Variants in EYS observed in about 807,000 individuals in gnomAD.
The protein encoded by EYS is EGF-like photoreceptor maintenance factor, also known as protein eyes shut homolog.
Under a neutral mutation model 282.1 loss-of-function variants are expected in EYS, and 250 were observed. That is an observed-to-expected ratio of 0.89 (90% CI 0.80 to 0.98). The LOEUF (loss-of-function observed/expected upper bound fraction) is 0.98. Among genes scored for constraint, EYS ranks in the 50% least tolerant of loss-of-function variants. The pLI, the probability that EYS is intolerant of heterozygous loss-of-function variation, is 0.00. For missense variants in EYS, 4,016 were observed against 3,709.0 expected (o/e 1.08, Z -2.15); for synonymous variants, 1,355 against 1,282.9 (o/e 1.06, Z -1.20).
intron 28 of EYS, among the ~76,000 whole-genome samples, chr6:64,404,136 T>C (rs1435344849): frequency 6.6e-6 from 1 of 152,158 alleles, no homozygotes; most frequent in Non-Finnish European, 1.5e-5. Flanking sequence ...CTCAATATTA[T>C]AGTTGGGCAT....
intron 26 of EYS, among the ~76,000 whole-genome samples, chr6:64,537,611 G>A (rs1264945177): frequency 6.6e-6 from 1 of 152,114 alleles, no homozygotes; most frequent in African/African-American, 2.4e-5. Context: ...GCTGCTCAAA[G>A]TTACTTATTA....
intron 22 of EYS, among the ~76,000 whole-genome samples, chr6:64,686,811 A>ATATATATGTGTGTG (rs1562133883): frequency 2.5e-4 from 8 of 32,006 alleles, no homozygotes; most frequent in Non-Finnish European, 5.6e-4. Context: ...ATATGTGTGT[A>ATATATATGTGTGTG]TATATATATG....
intron 1 of EYS, among the ~76,000 whole-genome samples, chr6:65,645,382 C>T (rs1334320946): frequency 6.6e-6 from 1 of 152,132 alleles, no homozygotes; most frequent in Non-Finnish European, 1.5e-5. Flanking sequence ...CCAAAAGGAA[C>T]CTTCAAAACC....
At chr6:64,003,973 A>G (rs576855035) in intron 33 of EYS, among the ~76,000 whole-genome samples, 2 of 152,196 alleles carry the variant, frequency 1.3e-5, no homozygotes, top group Non-Finnish European at 2.9e-5. Flanking sequence ...ACTGTGAGTC[A>G]ATTAAACCTC....
At chr6:64,805,006 C>CA (rs1374768500) in intron 22 of EYS, among the ~76,000 whole-genome samples, 4 of 151,618 alleles carry the variant, frequency 2.6e-5, no homozygotes, top group African/African-American at 9.7e-5. Context: ...AGTAGTTTTC[C>CA]AAAAAATATT....
At chr6:64,979,207 A>C (rs1184303405) in intron 14 of EYS, among the ~76,000 whole-genome samples, 1 of 151,828 alleles carries the variant, frequency 6.6e-6, no homozygotes, top group Admixed American at 6.6e-5. Flanking sequence ...GCTTTATTGC[A>C]GTAGACTAGA....
chr6:64,445,682 G>A (rs1040057687), intron 26 of EYS, among the ~76,000 whole-genome samples: 10 of 152,246 alleles, frequency 6.6e-5, no homozygotes, highest in African/African-American at 2.2e-4. Context: ...GTTTTAATAT[G>A]AGACTTGCTT....
intron 11 of EYS, chr6:65,332,237 C>A (rs2081148070): frequency 1.7e-6 from 1 of 587,060 alleles, no homozygotes; most frequent in African/African-American, 1.9e-5. Flanking sequence ...ATTTTTTTCT[C>A]CATCTACATT....
intron 27 of EYS, among the ~76,000 whole-genome samples, chr6:64,436,485 T>C (rs908746239): frequency 2.0e-5 from 3 of 151,822 alleles, no homozygotes; most frequent in Non-Finnish European, 4.4e-5. Context: ...TAAATACACA[T>C]GCATACATGT....
At chr6:65,485,931 C>G (rs1372859834) in intron 5 of EYS, among the ~76,000 whole-genome samples, 1 of 152,136 alleles carries the variant, frequency 6.6e-6, no homozygotes, top group Non-Finnish European at 1.5e-5. Flanking sequence ...CAAGTTTATT[C>G]TGTCAAAGGC....
intron 32 of EYS, among the ~76,000 whole-genome samples, chr6:64,072,935 T>C (rs1350110912): frequency 1.3e-5 from 2 of 151,914 alleles, no homozygotes; most frequent in African/African-American, 4.8e-5. Context: ...AAAAACTGAA[T>C]TTTAAAGATT....
chr6:64,844,932 G>T lies in EYS; in HGVS notation c.2993-22110C>A, dbSNP rs1392941130. On this transcript the variant is annotated intron_variant, in intron 19 of 42. Coordinates refer to ENST00000503581, the MANE Select transcript of EYS (RefSeq NM_001142800.2). ...TGATATTATAGCCATCTACTCATTA[G>T]CTATTAGACACAGACACATACCCTA... Among the ~76,000 whole-genome samples the T allele has an allele frequency of 6.6e-5, 10 of 152,000 alleles. No homozygotes were observed. The East Asian group carries it at 1.9e-3, about 29-fold the overall frequency.
At chr6:65,413,231 AAAT>A (rs1767095968) in intron 5 of EYS, among the ~76,000 whole-genome samples, 1 of 152,178 alleles carries the variant, frequency 6.6e-6, no homozygotes, top group Non-Finnish European at 1.5e-5. Context: ...GAAGCAATTA[AAAT>A]AATACTTTAA....
At chr6:65,320,253 C>G (rs1311892003) in intron 11 of EYS, among the ~76,000 whole-genome samples, 6 of 151,110 alleles carry the variant, frequency 4.0e-5, no homozygotes, top group Admixed American at 4.0e-4. Context: ...TGAGAGATTC[C>G]AAAAGGAATA....
intron 11 of EYS, among the ~76,000 whole-genome samples, chr6:65,314,389 C>G (rs1179759964): frequency 1.4e-5 from 2 of 144,790 alleles, no homozygotes; most frequent in Non-Finnish European, 3.0e-5. Context: ...CTCTATCATT[C>G]CTAGCACTCA....
intron 35 of EYS, among the ~76,000 whole-genome samples, chr6:63,913,726 A>T (rs772578548): frequency 6.6e-6 from 1 of 152,236 alleles, no homozygotes; most frequent in African/African-American, 2.4e-5. Context: ...TTATCCATTC[A>T]TCAGATGATG....
rs552891336 is a variant in EYS at position 65,260,135 on chromosome 6, CA to C, written c.2023+35727del. Among the ~76,000 whole-genome samples, 652 of 152,048 alleles carry C rather than the reference CA, an allele frequency of 4.3e-3. 1 individual carries two copies. Among genetic ancestry groups the C allele is most frequent in the Non-Finnish European group, 6.6e-3 (446 of 67,950 alleles). On this transcript the variant is annotated intron_variant, in intron 12 of 42. Coordinates refer to ENST00000503581, the MANE Select transcript of EYS (RefSeq NM_001142800.2). Reference sequence around the variant, plus strand: ...CAAGCAAGCTTCTTCTCAAGGCAGCCAAAAGGAGACGTGCCTAGTGAAGGGG... The same window carrying C: ...CAAGCAAGCTTCTTCTCAAGGCAGCCAAAGGAGACGTGCCTAGTGAAGGGG...
chr6:65,068,657 C>T (rs1315942086), intron 12 of EYS, among the ~76,000 whole-genome samples: 1 of 151,916 alleles, frequency 6.6e-6, no homozygotes, highest in Non-Finnish European at 1.5e-5. Flanking sequence ...TGGCCAATAC[C>T]AGTTTCTAGG....
At chr6:64,944,328 A>G (rs190684113) in intron 15 of EYS, among the ~76,000 whole-genome samples, 3 of 152,254 alleles carry the variant, frequency 2.0e-5, no homozygotes, top group Admixed American at 2.0e-4. Context: ...TTTATGAGTG[A>G]GTCCACAAAA....
Sources: allele counts gnomAD v4.1 joint callset (sites outside exome capture counted in the v4.1 genomes callset), GRCh38; gene constraint gnomAD v4.1.1; transcripts MANE v1.5; gene names NCBI Gene and HGNC (gene_info 2026-07-23, HGNC 2026-07-21).